Variants in CACNA1A observed in about 807,000 individuals in gnomAD.
CACNA1A encodes the protein calcium voltage-gated channel subunit alpha1 A.
Under a neutral mutation model 262.4 loss-of-function variants are expected in CACNA1A, and 57 were observed. That is an observed-to-expected ratio of 0.22 (90% CI 0.18 to 0.27). CACNA1A has a LOEUF of 0.27. Ranked by LOEUF, CACNA1A falls within the 10% of genes least tolerant of loss-of-function variation. CACNA1A has a pLI of 1.00. For missense variants in CACNA1A, 2,526 were observed against 3,562.8 expected, an observed-to-expected ratio of 0.71 and a Z score of 7.41; for synonymous variants, 1,431 against 1,419.3, an observed-to-expected ratio of 1.01 and a Z score of -0.18.
chr19:13,294,293 G>A (rs8111576), intron 19 of CACNA1A, among the ~76,000 whole-genome samples: 1 of 151,136 alleles, frequency 6.6e-6, no homozygotes, highest in Admixed American at 6.6e-5. Context: ...CCTGTGTGAG[G>A]AGCACTAGAA....
At chr19:13,493,453 AC>A (rs1981137754) in intron 1 of CACNA1A, among the ~76,000 whole-genome samples, 1 of 152,246 alleles carries the variant, frequency 6.6e-6, no homozygotes, top group African/African-American at 2.4e-5. Flanking sequence ...ATTCGTGACA[AC>A]CAAAAACGTC....
At chr19:13,432,823 C>A (rs1024010862) in intron 3 of CACNA1A, among the ~76,000 whole-genome samples, 4 of 151,948 alleles carry the variant, frequency 2.6e-5, no homozygotes, top group African/African-American at 9.7e-5. Context: ...ATCAGAACAT[C>A]CCATTGTACT....
intron 3 of CACNA1A, among the ~76,000 whole-genome samples, chr19:13,412,297 C>T (rs548801995): frequency 2.2e-4 from 33 of 151,884 alleles, no homozygotes; most frequent in East Asian, 1.9e-3. Flanking sequence ...TGGGCTCAAG[C>T]GATATCCTCC....
chr19:13,374,515 G>C (rs2059373469), intron 3 of CACNA1A, among the ~76,000 whole-genome samples: 1 of 152,174 alleles, frequency 6.6e-6, no homozygotes, highest in Non-Finnish European at 1.5e-5. Context: ...CTCCCAAAGT[G>C]CTGGGATTAT....
At chr19:13,223,587 G>C (rs1279477871) in intron 38 of CACNA1A, among the ~76,000 whole-genome samples, 3 of 152,154 alleles carry the variant, frequency 2.0e-5, no homozygotes, top group Admixed American at 1.3e-4. Context: ...AGTGGCCGGA[G>C]GGAACCTGTT....
intron 5 of CACNA1A, chr19:13,362,201 A>T (rs2144505616): frequency 6.6e-6 from 1 of 151,680 alleles, no homozygotes; most frequent in East Asian, 1.9e-4. Flanking sequence ...GCTAATTTTT[A>T]AATTTTTTTA....
chr19:13,230,266 AG>A (rs2055617191), intron 35 of CACNA1A, 57 bp from the exon 36 acceptor site: 4 of 1,589,308 alleles, frequency 2.5e-6, no homozygotes, highest in Non-Finnish European at 3.4e-6. Flanking sequence ...GGAATGAATG[AG>A]TGAGTGAGAA....
At chr19:13,458,804 C>T (rs563735428) in intron 1 of CACNA1A, among the ~76,000 whole-genome samples, 5 of 152,204 alleles carry the variant, frequency 3.3e-5, no homozygotes, top group Non-Finnish European at 7.3e-5. Context: ...CCCTGCCACA[C>T]CCCTCAGAAG....
chr19:13,414,527 A>C (rs2060187829), intron 3 of CACNA1A, among the ~76,000 whole-genome samples: 1 of 152,224 alleles, frequency 6.6e-6, no homozygotes, highest in Non-Finnish European at 1.5e-5. Context: ...GAAAGGTGTC[A>C]TCTAGATGGA....
chr19:13,329,567 C>A (rs1164104560), intron 10 of CACNA1A, among the ~76,000 whole-genome samples: 1 of 148,906 alleles, frequency 6.7e-6, no homozygotes, highest in Non-Finnish European at 1.5e-5. Context: ...CAGCTCACTG[C>A]AACCTCTGCT....
chr19:13,261,341 G>C (rs2056729835), intron 26 of CACNA1A, 109 bp downstream of exon 26: 1 of 969,378 alleles, frequency 1.0e-6, no homozygotes, highest in East Asian at 2.7e-5. Flanking sequence ...TCACTTCCAA[G>C]GCTCATCACT....
chr19:13,317,415 A>T, intron 10 of CACNA1A, 94 bp from the exon 11 acceptor site: 2 of 1,030,002 alleles, frequency 1.9e-6, no homozygotes, highest in Non-Finnish European at 2.9e-6. Flanking sequence ...TAGCCAGGGG[A>T]TCCATTAGTC....
chr19:13,340,314 C>T (rs947090076), intron 6 of CACNA1A, among the ~76,000 whole-genome samples: 5 of 152,238 alleles, frequency 3.3e-5, no homozygotes, highest in Middle Eastern at 3.4e-3. Flanking sequence ...AACAGACACA[C>T]GTGGAGGCTT....
intron 38 of CACNA1A, among the ~76,000 whole-genome samples, chr19:13,224,450 G>T (rs868389594): frequency 2.1e-5 from 3 of 144,888 alleles, no homozygotes; most frequent in Non-Finnish European, 4.5e-5. Flanking sequence ...TCATGTCACC[G>T]CACTGCTGCC....
chr19:13,208,793 G>A lies in CACNA1A; in HGVS notation c.6743C>T (p.Ser2248Leu), dbSNP rs1274796380. ...ARARDQRWSR[S>L]PSEGREHMAH... ...CATGTGCTCTCGGCCCTCGCTGGGC[G>A]AGCGGGACCAGCGCTGGTCCCGAGC... The change falls in exon 46 of 47, where the codon TCG becomes TTG. Residue 2248 changes from serine to leucine, a missense_variant. Ser to Leu is a moderately radical substitution (Grantham distance 145, BLOSUM62 -2). This residue lies in a region of CACNA1A where 929 missense variants were observed against 868.1 expected (regional missense o/e 1.07). Coordinates refer to ENST00000360228, the MANE Select transcript of CACNA1A (RefSeq NM_001127222.2). 18 of 1,558,368 alleles carry A rather than the reference G, an allele frequency of 1.2e-5. No homozygotes were observed. Among genetic ancestry groups the A allele is most frequent in the Non-Finnish European group, 1.4e-5 (16 of 1,160,484 alleles).
At chr19:13,239,097 C>G (rs1371711149) in intron 31 of CACNA1A, among the ~76,000 whole-genome samples, 1 of 146,714 alleles carries the variant, frequency 6.8e-6, no homozygotes, top group East Asian at 1.9e-4. Context: ...TGTCTAGTCA[C>G]ATGACCAGTC....
At chr19:13,256,047 C>CG (rs2056560682) in intron 28 of CACNA1A, 4 of 138,962 alleles carry the variant, frequency 2.9e-5, no homozygotes, top group Non-Finnish European at 6.1e-5. Flanking sequence ...GGCTGGAGTG[C>CG]AGTGCAATCA....
At position 13,402,869 on chromosome 19, in the gene CACNA1A, CACACATATATATATATATATAT is replaced by C. The variant is rs1192955981; in HGVS notation, c.540-31112_540-31091del. On this transcript the variant is annotated intron_variant, in intron 3 of 46. Coordinates refer to ENST00000360228, the MANE Select transcript of CACNA1A (RefSeq NM_001127222.2). ...ACACATATATATATACACACACACA[CACACATATATATATATATATAT>C]ATATATATATATATATATATATATA... 1.8e-3 allele frequency among the ~76,000 whole-genome samples: 133 copies of C among 75,674 alleles called. 2 individuals are homozygous for C. The Middle Eastern group carries it at 0.022, about 13-fold the overall frequency. The allele number at this position is 75,674 out of a possible 152,430, so 49.6% of individuals were successfully genotyped here. A position where few individuals can be genotyped will look rare whatever the true frequency, so the allele number is the denominator to read the frequency against.
chr19:13,257,298 AGTTT>A, intron 28 of CACNA1A, 48 bp downstream of exon 28: 1 of 1,474,518 alleles, frequency 6.8e-7, no homozygotes, highest in African/African-American at 1.4e-5. Context: ...TGTGTTTTAA[AGTTT>A]GTGTGTGTCC....
Sources: gnomAD v4.1 joint callset for allele counts (sites outside exome capture counted in the v4.1 genomes callset) on GRCh38, gnomAD v4.1.1 for gene constraint, gnomAD v4.1.1 regional missense constraint, MANE v1.5 for transcripts, NCBI Gene and HGNC (gene_info 2026-07-23, HGNC 2026-07-21) for gene names.